The following VAV3 variants were observed in gnomAD, a reference collection of about 807,000 sequenced individuals.
VAV3 encodes the protein guanine nucleotide exchange factor VAV3.
VAV3 carries 94 observed loss-of-function variants against 131.2 expected under a neutral mutation model. The observed-to-expected ratio is 0.72, with a 90% CI of 0.61 to 0.85. The LOEUF (loss-of-function observed/expected upper bound fraction) is 0.85. VAV3 is among the 40% of genes least tolerant of loss of function. VAV3 has a pLI of 0.00. For synonymous variants in VAV3, 349 were observed against 342.0 expected (o/e 1.02, Z -0.22); for missense variants, 939 against 1,002.7 (o/e 0.94, Z 0.86).
At chr1:107,812,134 A>C (rs1217672463) in intron 2 of VAV3, among the ~76,000 whole-genome samples, 1 of 152,202 alleles carries the variant, frequency 6.6e-6, no homozygotes, top group Non-Finnish European at 1.5e-5. Flanking sequence ...GTTTAAAGGG[A>C]GACAAAGCTT....
Position 107,642,689 on chromosome 1 carries a change from G to A in VAV3, c.1844C>T (p.Pro615Leu), listed in dbSNP as rs745842085. The A allele has an allele frequency of 4.3e-6, 7 of 1,613,154 alleles. No individual in the cohort carries two copies. Among genetic ancestry groups the A allele is most frequent in the Middle Eastern group, 3.3e-4 (2 of 6,070 alleles). Residue 615 changes from proline (P) to leucine (L), a missense_variant, in exon 20 of 27, where the codon CCC becomes CTC. Pro to Leu is a moderately conservative substitution (Grantham distance 98). Transcript: ENST00000370056. Reference sequence around the variant, plus strand: ...ATCCCCGGCCTGGAGCTGTAAAGGGGGTCCTTCATGCAGAGCTGGGGGTGG... The same window carrying A: ...ATCCCCGGCCTGGAGCTGTAAAGGGAGTCCTTCATGCAGAGCTGGGGGTGG... ...GTPPPALHEG[P>L]PLQLQAGDTV...
chr1:107,761,614 T>A (rs923439000), intron 9 of VAV3, among the ~76,000 whole-genome samples: 1 of 152,154 alleles, frequency 6.6e-6, no homozygotes, highest in African/African-American at 2.4e-5. Context: ...TCAACTATGA[T>A]GTGCTTTGTC....
intron 2 of VAV3, among the ~76,000 whole-genome samples, chr1:107,824,728 T>C (rs1667940671): frequency 6.6e-6 from 1 of 152,166 alleles, no homozygotes; most frequent in Non-Finnish European, 1.5e-5. Flanking sequence ...AAAGGTAGTA[T>C]GGCTCAACTA....
intron 21 of VAV3, among the ~76,000 whole-genome samples, chr1:107,616,989 G>A (rs12735327): frequency 0.018 from 2,664 of 152,186 alleles, 32 homozygotes; most frequent in Middle Eastern, 0.044. Flanking sequence ...ACACACCAGG[G>A]AGTACATTTT....
At chr1:107,964,050 T>C (rs1251883461) in intron 1 of VAV3, among the ~76,000 whole-genome samples, 1 of 152,178 alleles carries the variant, frequency 6.6e-6, no homozygotes, top group African/African-American at 2.4e-5. Context: ...ACTCGCTCCT[T>C]CTCACATGGC....
chr1:107,749,202 G>T, intron 14 of VAV3, 125 bp from the exon 15 acceptor site: 1 of 848,194 alleles, frequency 1.2e-6, no homozygotes, highest in Non-Finnish European at 1.8e-6. Context: ...GAACAATCAA[G>T]CTTATTGTAG....
Position 107,704,997 on chromosome 1 carries a change from G to C in VAV3, c.1567C>G (p.Arg523Gly). The C allele has an allele frequency of 6.2e-7, 1 of 1,613,916 alleles. No homozygotes were observed. The highest frequency in any genetic ancestry group is 8.5e-7 in the Non-Finnish European group (1 of 1,179,916). The change falls in exon 16 of 27, where the codon CGA becomes GGA. Residue 523 changes from arginine to glycine, a missense_variant. Transcript: ENST00000370056. ...FHDFKMHTFT[R>G]VTSCKVCQML... is the part of the protein sequence containing the mutation. ...TGGCAGACTTTGCAGGATGTGACTC[G>C]AGTGAAGGTATGCATCTTGAAGTCG...
chr1:107,766,046 T>G (rs146893891), intron 8 of VAV3, among the ~76,000 whole-genome samples: 5 of 152,082 alleles, frequency 3.3e-5, no homozygotes, highest in Admixed American at 3.3e-4. Flanking sequence ...AATACCAGAA[T>G]TGGAAGAAAA....
intron 12 of VAV3, among the ~76,000 whole-genome samples, chr1:107,753,580 G>A (rs1355501370): frequency 7.6e-6 from 1 of 132,438 alleles, no homozygotes; most frequent in Non-Finnish European, 1.6e-5. Context: ...TTGAGACAGA[G>A]TCAGAGTCTC....
chr1:107,962,243 T>C (rs773792776), intron 1 of VAV3, among the ~76,000 whole-genome samples: 54 of 152,204 alleles, frequency 3.5e-4, no homozygotes, highest in Non-Finnish European at 6.6e-4. Context: ...GGGGAATACA[T>C]TCTGCTGGGA....
At chr1:107,588,320 G>C (rs901265093) in intron 25 of VAV3, among the ~76,000 whole-genome samples, 1 of 152,206 alleles carries the variant, frequency 6.6e-6, no homozygotes, top group African/African-American at 2.4e-5. Flanking sequence ...TTAGTCCATA[G>C]AATAGTGTGT....
chr1:107,920,814 T>TTG (rs1159903635), intron 1 of VAV3, among the ~76,000 whole-genome samples: 4 of 152,156 alleles, frequency 2.6e-5, no homozygotes, highest in South Asian at 2.1e-4. Context: ...TTACGATTAT[T>TTG]TGTGTGTGTG....
chr1:107,851,548 T>A (rs1340771669), intron 2 of VAV3, among the ~76,000 whole-genome samples: 1 of 152,194 alleles, frequency 6.6e-6, no homozygotes, highest in East Asian at 1.9e-4. Flanking sequence ...TCATATTTAT[T>A]TGCAAGATAA....
chr1:107,760,963 C>T (rs1664377891), intron 9 of VAV3, 84 bp from the exon 10 acceptor site: 3 of 815,684 alleles, frequency 3.7e-6, no homozygotes, highest in South Asian at 1.9e-5. Flanking sequence ...AGTTATTATA[C>T]AATAAATGAG....
intron 2 of VAV3, among the ~76,000 whole-genome samples, chr1:107,804,524 C>T (rs931144602): frequency 6.6e-6 from 1 of 152,122 alleles, no homozygotes; most frequent in African/African-American, 2.4e-5. Flanking sequence ...CAAGAGAGAA[C>T]TTTAATCTTT....
At chr1:107,779,585 C>A in intron 2 of VAV3, 93 bp from the exon 3 acceptor site, 1 of 900,414 alleles carries the variant, frequency 1.1e-6, no homozygotes, top group Non-Finnish European at 1.6e-6. Flanking sequence ...TTAACCATAG[C>A]AGCAGAAACA....
intron 2 of VAV3, among the ~76,000 whole-genome samples, chr1:107,862,003 C>T (rs1370920028): frequency 6.6e-6 from 1 of 151,686 alleles, no homozygotes; most frequent in East Asian, 1.9e-4. Flanking sequence ...CTGGCCTGTC[C>T]TGACACCACT....
At chr1:107,910,433 T>C (rs1672312986) in intron 1 of VAV3, among the ~76,000 whole-genome samples, 2 of 152,238 alleles carry the variant, frequency 1.3e-5, no homozygotes, top group Non-Finnish European at 2.9e-5. Context: ...CTACATAAAA[T>C]ATTATATGCT....
intron 2 of VAV3, among the ~76,000 whole-genome samples, chr1:107,814,786 TA>T (rs1667493425): frequency 2.0e-5 from 3 of 152,210 alleles, no homozygotes; most frequent in African/African-American, 7.2e-5. Flanking sequence ...TATGGAAGAA[TA>T]TTCTAGCAGC....
Sources: allele counts gnomAD v4.1 joint callset (sites outside exome capture counted in the v4.1 genomes callset), GRCh38; gene constraint gnomAD v4.1.1; transcripts MANE v1.5; gene names NCBI Gene and HGNC (gene_info 2026-07-23, HGNC 2026-07-21).